TTLL12: variants seen among roughly 807,000 people sequenced by gnomAD.
TTLL12 encodes tubulin tyrosine ligase like 12.
Under a neutral mutation model 79.6 loss-of-function variants are expected in TTLL12, and 77 were observed. The ratio of observed to expected loss-of-function variants is 0.97; its 90% CI spans 0.81 to 1.17. The LOEUF (loss-of-function observed/expected upper bound fraction) is 1.17. Ranked by LOEUF, TTLL12 falls within the 50% of genes most tolerant of loss-of-function variation. The probability of loss-of-function intolerance (pLI) is 0.00; values close to 1 mark genes in which losing one functional copy is unlikely to be tolerated. For synonymous variants in TTLL12, 437 were observed against 376.1 expected (o/e 1.16, Z -1.87); for missense variants, 969 against 895.9 (o/e 1.08, Z -1.04).
intron 3 of TTLL12, 69 bp downstream of exon 3, chr22:43,180,673 G>A: frequency 5.8e-6 from 9 of 1,543,420 alleles, no homozygotes; most frequent in Non-Finnish European, 8.0e-6. Flanking sequence ...CCGGCCTGAT[G>A]GCACAGGGCA....
At chr22:43,178,642 G>T (rs979141256) in intron 5 of TTLL12, among the ~76,000 whole-genome samples, 4 of 152,092 alleles carry the variant, frequency 2.6e-5, no homozygotes, top group African/African-American at 9.7e-5. Context: ...ACTCTCACAT[G>T]GGTCAACTCG....
In TTLL12 at chr22:43,176,240, G is replaced by A. The variant is rs147327030; in HGVS notation, c.917+80C>T. 5,786 of 1,076,026 alleles carry A rather than the reference G, an allele frequency of 5.4e-3. 39 individuals carry two copies. Among genetic ancestry groups the A allele is most frequent in the Non-Finnish European group, 5.8e-3 (4,096 of 711,954 alleles). The allele number at this position is 1,076,026 out of a possible 1,614,324, so 66.7% of individuals were successfully genotyped here. A position where few individuals can be genotyped will look rare whatever the true frequency, so the allele number is the denominator to read the frequency against. On this transcript the variant is annotated intron_variant, in intron 6 of 13. Coordinates refer to ENST00000216129, the MANE Select transcript of TTLL12 (RefSeq NM_015140.4). ...CGTGCCACGTGCCAAGCACTGTTCT[G>A]GGGCTGTGGGAACCACGAAGCATGG...
rs931270118 is a variant in TTLL12 at position 43,184,711 on chromosome 22, C to T, written c.178-1562G>A. Among the ~76,000 whole-genome samples, 8 of 152,328 alleles carry T rather than the reference C, an allele frequency of 5.3e-5. No homozygotes were observed. The South Asian group carries it at 1.0e-3, about 20-fold the overall frequency. On this transcript the variant is annotated intron_variant, in intron 1 of 13. Transcript: ENST00000216129. ...GCTCAGAGGGCTGGAATCCAGACCTCGGGCTTCCGCCCCAGTACTCCAAAT... is the reference window on the plus strand; with the variant it reads ...GCTCAGAGGGCTGGAATCCAGACCTTGGGCTTCCGCCCCAGTACTCCAAAT...
At chr22:43,173,907 G>T (rs1432511228) in intron 8 of TTLL12, 81 bp from the exon 9 acceptor site, 40 of 1,323,542 alleles carry the variant, frequency 3.0e-5, no homozygotes, top group Non-Finnish European at 1.2e-5. Context: ...AGAGGCAGAA[G>T]AGGGCAGCCC....
intron 11 of TTLL12, among the ~76,000 whole-genome samples, chr22:43,170,507 C>A (rs942649542): frequency 6.6e-6 from 1 of 152,174 alleles, no homozygotes; most frequent in Non-Finnish European, 1.5e-5. Context: ...GATGACCAAT[C>A]GCCGCCACAG....
rs146647114 is a variant in TTLL12, at chr22:43,187,045, G to A, written c.25C>T (p.Arg9Cys). 76,308 of 1,195,218 alleles carry A rather than the reference G, an allele frequency of 0.064. 2,722 individuals are homozygous for A. The highest frequency in any genetic ancestry group is 0.077 in the Middle Eastern group (230 of 2,982). The allele number at this position is 1,195,218 out of a possible 1,614,324, so 74.0% of individuals were successfully genotyped here. A position where few individuals can be genotyped will look rare whatever the true frequency, so the allele number is the denominator to read the frequency against. ...GGGCTGCTACGCTCCGCAGGCCGGC[G>A]CTCGGGACCCCGCTCGGCCTCCATG... The part of the protein sequence containing the change: MEAERGPE[R>C]RPAERSSPGQ... The change falls in exon 1 of 14, where the codon CGC becomes TGC. Residue 9 changes from arginine to cysteine, a missense_variant. By Grantham distance (180) the Arg-to-Cys change is radical. Coordinates refer to ENST00000216129, the MANE Select transcript of TTLL12 (RefSeq NM_015140.4).
At chr22:43,186,123 C>T in intron 1 of TTLL12, 2 of 451,834 alleles carry the variant, frequency 4.4e-6, no homozygotes, top group Non-Finnish European at 5.8e-6. Context: ...TCACCTGCGC[C>T]ACTAGGCTCA....
At chr22:43,172,661 T>C in intron 9 of TTLL12, 107 bp from the exon 10 acceptor site, 1 of 1,238,856 alleles carries the variant, frequency 8.1e-7, no homozygotes, top group Non-Finnish European at 1.1e-6. Flanking sequence ...ACTTTACTCC[T>C]CCTTCTGCCT....
At chr22:43,173,686 C>A in intron 9 of TTLL12, 29 bp downstream of exon 9, 1 of 1,591,068 alleles carries the variant, frequency 6.3e-7, no homozygotes, top group Non-Finnish European at 8.5e-7. Flanking sequence ...GGGCCCTGAG[C>A]CCTGGGGCTC....
At chr22:43,186,719 C>T (rs904990375) in intron 1 of TTLL12, among the ~76,000 whole-genome samples, 174 bp downstream of exon 1, 1 of 152,124 alleles carries the variant, frequency 6.6e-6, no homozygotes, top group Non-Finnish European at 1.5e-5. Flanking sequence ...CCCCGGTCTC[C>T]TGCTGTCACT....
chr22:43,172,892 T>C (rs1244482344), intron 9 of TTLL12, among the ~76,000 whole-genome samples: 1 of 152,052 alleles, frequency 6.6e-6, no homozygotes, highest in African/African-American at 2.4e-5. Context: ...GAGAAGGGGT[T>C]TCTCCATGTT....
At position 43,176,468 on chromosome 22, in the gene TTLL12, G is replaced by A; in HGVS notation, c.841-72C>T. On this transcript the variant is annotated intron_variant, in intron 5 of 13. Transcript: ENST00000216129. ...GGAAAGGCCGGCCGTGGTGGCTCAT[G>A]TCCATAATCCCAGCACTTTGAGAGG... The A allele has an allele frequency of 5.5e-6, 7 of 1,262,068 alleles. No homozygotes were observed. The South Asian group carries it at 8.9e-5, about 16-fold the overall frequency. The allele number at this position is 1,262,068 out of a possible 1,614,324, so 78.2% of individuals were successfully genotyped here.
chr22:43,179,255 C>T (rs191324056), intron 5 of TTLL12, among the ~76,000 whole-genome samples: 4 of 152,218 alleles, frequency 2.6e-5, no homozygotes, highest in Non-Finnish European at 4.4e-5. Flanking sequence ...GAGGGAGGCA[C>T]GCGATGTGTG....
In TTLL12 at chr22:43,187,120, C is replaced by CCCGCCGTCCGT. The variant is rs1932208596; in HGVS notation, c.-52_-51insACGGACGGCGG. 12 of 1,050,608 alleles carry CCCGCCGTCCGT rather than the reference C, an allele frequency of 1.1e-5. No individual in the cohort carries two copies. The highest frequency in any genetic ancestry group is 1.3e-5 in the Non-Finnish European group (11 of 875,670). The allele number at this position is 1,050,608 out of a possible 1,614,324, so 65.1% of individuals were successfully genotyped here. On this transcript the variant is annotated 5_prime_UTR_variant, in exon 1 of 14. Coordinates refer to ENST00000216129, the MANE Select transcript of TTLL12 (RefSeq NM_015140.4). ...GCGCCGCCACCGCCGCCGCCGCCCG[C>CCCGCCGTCCGT]CGTCCGTCGGCCCTGCCCTCCCGCC...
chr22:43,174,436 G>A, intron 7 of TTLL12, 33 bp from the exon 8 acceptor site: 1 of 1,564,210 alleles, frequency 6.4e-7, no homozygotes. Context: ...CCAGCTCAAG[G>A]GGAGGCCGGC....
intron 1 of TTLL12, among the ~76,000 whole-genome samples, chr22:43,185,627 G>A (rs978517948): frequency 6.6e-6 from 1 of 152,208 alleles, no homozygotes; most frequent in Non-Finnish European, 1.5e-5. Context: ...CTGTGTGCCA[G>A]GCATATTTCT....
Position 43,183,015 on chromosome 22 carries a change from G to A in TTLL12, c.312C>T (p.Thr104=). ...GGGCTGCCTGGAGCCCGCTCTCCCT[G>A]GTCACGATGACCTTGTAGCACAGCT... ...GNELCYKVIV[T]RESGLQAAHP... is the part of the protein sequence containing the mutation. The change falls in exon 2 of 14, where the codon ACC becomes ACT. Residue 104 remains threonine, a synonymous_variant. Transcript: ENST00000216129. 1 of 1,613,912 alleles carries A rather than the reference G, an allele frequency of 6.2e-7. No homozygotes were observed. Among genetic ancestry groups the A allele is most frequent in the Non-Finnish European group, 8.5e-7 (1 of 1,179,918 alleles).
rs1227257456 is a variant in TTLL12 at position 43,185,932 on chromosome 22, T to G, written c.177+961A>C. Reference sequence around the variant, plus strand: ...GTGAGGGGCAGAGGAAACTCTCTGTTACACTGTAGCATAAGGAGGTGCCAC... The same window carrying G: ...GTGAGGGGCAGAGGAAACTCTCTGTGACACTGTAGCATAAGGAGGTGCCAC... On this transcript the variant is annotated intron_variant, in intron 1 of 13. Coordinates refer to ENST00000216129, the MANE Select transcript of TTLL12 (RefSeq NM_015140.4). 1.6e-5 allele frequency: 16 copies of G among 983,712 alleles called. No homozygotes were observed. The South Asian group carries it at 5.6e-4, about 35-fold the overall frequency. 60.9% of individuals were successfully genotyped at this position (983,712 alleles called of 1,614,324 possible). A position where few individuals can be genotyped will look rare whatever the true frequency, so the allele number is the denominator to read the frequency against.
chr22:43,180,792 C>G lies in TTLL12; in HGVS notation c.496G>C (p.Val166Leu), dbSNP rs752512904. Residue 166 changes from valine (V) to leucine (L), a missense_variant, in exon 3 of 14, where the codon GTG (valine) becomes CTG (leucine). Transcript: ENST00000216129. ...ELPSTEAVAL[V>L]LEEMWKFNQT... The stretch of plus-strand genomic sequence containing the variant: ...TTGAACTTCCACATCTCCTCCAGCA[C>G]CAGGGCCACAGCCTCTGTACTGGGC... The G allele has an allele frequency of 6.2e-7, 1 of 1,613,236 alleles. No individual in the cohort carries two copies. The highest frequency in any genetic ancestry group is 8.5e-7 in the Non-Finnish European group (1 of 1,180,006).
Sources: allele counts gnomAD v4.1 joint callset (sites outside exome capture counted in the v4.1 genomes callset), GRCh38; gene constraint gnomAD v4.1.1; transcripts MANE v1.5; gene names NCBI Gene and HGNC (gene_info 2026-07-23, HGNC 2026-07-21).